The following RAB3GAP2 variants were observed in gnomAD, a reference collection of about 807,000 sequenced individuals.
RAB3GAP2 encodes the protein RAB3 GTPase activating non-catalytic protein subunit 2, also known as rab3 GTPase-activating protein non-catalytic subunit.
A neutral mutation model predicts 185.3 loss-of-function variants in RAB3GAP2; 87 were observed. The ratio of observed to expected loss-of-function variants is 0.47; its 90% CI spans 0.39 to 0.56. The LOEUF (loss-of-function observed/expected upper bound fraction) is 0.56, where lower values mean the gene tolerates loss of function less well. Among genes scored for constraint, RAB3GAP2 ranks in the 20% least tolerant of loss-of-function variants. RAB3GAP2 has a pLI of 0.00. For missense variants in RAB3GAP2, 1,492 were observed against 1,638.2 expected (o/e 0.91, Z 1.54); for synonymous variants, 554 against 576.1 (o/e 0.96, Z 0.55).
chr1:220,245,043 G>A (rs1228187274), intron 1 of RAB3GAP2, among the ~76,000 whole-genome samples: 2 of 152,076 alleles, frequency 1.3e-5, no homozygotes, highest in Non-Finnish European at 1.5e-5. Context: ...AACCCACAGA[G>A]TGGGAGAAAA....
At chr1:220,222,754 C>T (rs1376269144) in intron 2 of RAB3GAP2, among the ~76,000 whole-genome samples, 2 of 151,904 alleles carry the variant, frequency 1.3e-5, no homozygotes, top group Non-Finnish European at 2.9e-5. Context: ...ATTCATCTGC[C>T]CACTCAACCT....
At chr1:220,204,544 T>G (rs1318787263) in intron 8 of RAB3GAP2, among the ~76,000 whole-genome samples, 1 of 152,102 alleles carries the variant, frequency 6.6e-6, no homozygotes, top group African/African-American at 2.4e-5. Flanking sequence ...CTCTACTCAA[T>G]CCCAAAAGAA....
In RAB3GAP2 at chr1:220,214,750, T is replaced by C. The variant is rs574437944; in HGVS notation, c.181-771A>G. Among the ~76,000 whole-genome samples the C allele has an allele frequency of 8.9e-4, 135 of 151,868 alleles. 1 individual carries two copies. In the Middle Eastern group the frequency reaches 0.01, roughly 11 times the overall value. ...TTTTTCATTAGACGTTTATGTATTG[T>C]ATAGGTAAATCCCCATGGTTAAAAA... On this transcript the variant is annotated intron_variant, in intron 2 of 34. Coordinates refer to ENST00000358951, the MANE Select transcript of RAB3GAP2 (RefSeq NM_012414.4).
Position 220,190,046 on chromosome 1 carries a change from G to A in RAB3GAP2, c.1714+18C>T. The A allele has an allele frequency of 6.5e-7, 1 of 1,547,844 alleles. No individual in the cohort carries two copies. Among genetic ancestry groups the A allele is most frequent in the Non-Finnish European group, 8.9e-7 (1 of 1,119,930 alleles). On this transcript the variant is annotated intron_variant, in intron 16 of 34. Coordinates refer to ENST00000358951, the MANE Select transcript of RAB3GAP2 (RefSeq NM_012414.4). Reference sequence around the variant, plus strand: ...GATAGAACAATATGCTTTATTATTTGTATGAGAGAATACCTACCAAGATTG... The same window carrying A: ...GATAGAACAATATGCTTTATTATTTATATGAGAGAATACCTACCAAGATTG...
rs570894388 is a variant in RAB3GAP2 at position 220,190,399 on chromosome 1, C to T, written c.1609G>A (p.Val537Ile). The T allele has an allele frequency of 5.0e-6, 8 of 1,614,106 alleles. No homozygotes were observed. Among genetic ancestry groups the T allele is most frequent in the East Asian group, 4.5e-5 (2 of 44,868 alleles). Reference protein sequence around the residue: ...PVSGSVKTVNVPFHLALSDKK... With the variant: ...PVSGSVKTVNIPFHLALSDKK... ...TACCTCAGTGCTAAATGGAAGGGAA[C>T]GTTCACTGTTTTCACACTTCCAGAC... Residue 537 changes from valine to isoleucine, a missense_variant, in exon 15 of 35, where the codon GTT (valine) becomes ATT (isoleucine). By Grantham distance (29) the Val-to-Ile change is conservative. Around this residue, in one of 5 missense-constraint regions of RAB3GAP2, gnomAD observed 681 missense variants for 689.1 expected, o/e 0.99. Transcript: ENST00000358951.
Position 220,167,552 on chromosome 1 carries a change from C to T in RAB3GAP2, c.2930G>A (p.Arg977Lys). 1 of 1,614,192 alleles carries T rather than the reference C, an allele frequency of 6.2e-7. No homozygotes were observed. Among genetic ancestry groups the T allele is most frequent in the Non-Finnish European group, 8.5e-7 (1 of 1,180,026 alleles). Residue 977 changes from arginine (R) to lysine (K), a missense_variant, in exon 25 of 35, where the codon AGA becomes AAA. This residue lies in a region of RAB3GAP2 where 681 missense variants were observed against 689.1 expected (regional missense o/e 0.99). Transcript: ENST00000358951. ...CATCTCTGATACCTCAAGGAAACTT[C>T]TGTTAACACCTTCTTTGGGTTCATC... ...NPDEPKEGVN[R>K]SFLEVSEMEM...
chr1:220,253,642 C>G (rs936888306), intron 1 of RAB3GAP2: 72 of 1,590,166 alleles, frequency 4.5e-5, no homozygotes, highest in Non-Finnish European at 5.8e-5. Flanking sequence ...TGGGCCTCTT[C>G]TTTATGAAGC....
At chr1:220,250,354 G>A (rs553347036) in intron 1 of RAB3GAP2, among the ~76,000 whole-genome samples, 6 of 152,180 alleles carry the variant, frequency 3.9e-5, no homozygotes, top group African/African-American at 1.4e-4. Context: ...CTTTGTTTTG[G>A]TCAATTTCTC....
intron 2 of RAB3GAP2, among the ~76,000 whole-genome samples, chr1:220,225,530 C>A (rs781064540): frequency 1.3e-5 from 2 of 152,096 alleles, no homozygotes; most frequent in Admixed American, 1.3e-4. Context: ...AGATGCACCC[C>A]CCTCAAGCTG....
At chr1:220,170,736 T>G (rs970698776) in intron 24 of RAB3GAP2, among the ~76,000 whole-genome samples, 156 bp downstream of exon 24, 3 of 152,244 alleles carry the variant, frequency 2.0e-5, no homozygotes, top group African/African-American at 7.2e-5. Flanking sequence ...AATGAGACTT[T>G]AGAGAAAATT....
At chr1:220,189,515 A>AT (rs35162828) in intron 17 of RAB3GAP2, among the ~76,000 whole-genome samples, 188 bp downstream of exon 17, 405 of 145,360 alleles carry the variant, frequency 2.8e-3, no homozygotes, top group Middle Eastern at 7.1e-3. Flanking sequence ...ATGAATATTA[A>AT]TTTTTTTTTT....
At chr1:220,213,096 G>C (rs1659112778) in intron 3 of RAB3GAP2, 128 bp from the exon 4 acceptor site, 2 of 624,240 alleles carry the variant, frequency 3.2e-6, no homozygotes, top group Non-Finnish European at 5.5e-6. Context: ...AACTGACTTG[G>C]GTCTTTTTTA....
chr1:220,184,142 C>T lies in RAB3GAP2; in HGVS notation c.1892G>A (p.Gly631Glu). 2 of 1,610,848 alleles carry T rather than the reference C, an allele frequency of 1.2e-6. No homozygotes were observed. Among genetic ancestry groups the T allele is most frequent in the Non-Finnish European group, 8.5e-7 (1 of 1,177,442 alleles). ...KSQELESVDE[G>E]LLQFCANKLK... ...TTTATTGGCACAAAACTGTAGCAAT[C>T]CTTCATCAACAGACTCAAGTTCTAA... Residue 631 changes from glycine (G) to glutamate (E), a missense_variant, in exon 19 of 35, where the codon GGA (glycine) becomes GAA (glutamate). Gly to Glu is a moderately conservative substitution (Grantham distance 98). Coordinates refer to ENST00000358951, the MANE Select transcript of RAB3GAP2 (RefSeq NM_012414.4).
chr1:220,154,721 C>CTTTTTT (rs368964533), intron 31 of RAB3GAP2, among the ~76,000 whole-genome samples: 1 of 133,362 alleles, frequency 7.5e-6, no homozygotes, highest in Non-Finnish European at 1.6e-5. Context: ...ACCCTGAATC[C>CTTTTTT]TTTTTTTTTT....
chr1:220,182,361 G>A lies in RAB3GAP2; in HGVS notation c.2213-7C>T. On this transcript the variant is annotated splice_polypyrimidine_tract_variant and splice_region_variant and intron_variant, in intron 20 of 34. Transcript: ENST00000358951. ...TTCCAAAAAAAGAAACTACCTGGTA[G>A]AAGAAAAACAAAGCACATTAATCAA... 6.2e-7 allele frequency: 1 copy of A among 1,613,864 alleles called. No homozygotes were observed. The highest frequency in any genetic ancestry group is 8.5e-7 in the Non-Finnish European group (1 of 1,179,894).
rs114494786 is a variant in RAB3GAP2, at chr1:220,238,087, T to C, written c.116-5224A>G. 2.7e-3 allele frequency among the ~76,000 whole-genome samples: 404 copies of C among 152,230 alleles called. 1 individual carries two copies. Among genetic ancestry groups the C allele is most frequent in the African/African-American group, 9.5e-3 (396 of 41,544 alleles). On this transcript the variant is annotated intron_variant, in intron 1 of 34. Coordinates refer to ENST00000358951, the MANE Select transcript of RAB3GAP2 (RefSeq NM_012414.4). Reference sequence around the variant, plus strand: ...AGAAGGGGTCTCTCTGTCACCCAGATTGGAGTGCAGTGGTGCAATTATAGC... The same window carrying C: ...AGAAGGGGTCTCTCTGTCACCCAGACTGGAGTGCAGTGGTGCAATTATAGC...
intron 7 of RAB3GAP2, among the ~76,000 whole-genome samples, chr1:220,208,803 G>A (rs907753060): frequency 2.0e-5 from 3 of 151,742 alleles, no homozygotes; most frequent in African/African-American, 7.3e-5. Flanking sequence ...TGCAACCTCC[G>A]CCTCCTGGGT....
chr1:220,272,313 A>C lies in RAB3GAP2; in HGVS notation c.25T>G (p.Cys9Gly). ...GCGGCCTGGAGGTCCTGGAAGTAGC[A>C]GAACTGGACAATGGAGCAGGCCATG... The part of the protein sequence containing the change: MACSIVQF[C>G]YFQDLQAARD... Residue 9 changes from cysteine to glycine, a missense_variant, in exon 1 of 35, where the codon TGC becomes GGC. Around this residue, in one of 5 missense-constraint regions of RAB3GAP2, gnomAD observed 177 missense variants for 160.6 expected, o/e 1.10. Transcript: ENST00000358951. The C allele has an allele frequency of 6.2e-7, 1 of 1,612,342 alleles. No homozygotes were observed. The highest frequency in any genetic ancestry group is 8.5e-7 in the Non-Finnish European group (1 of 1,179,540).
chr1:220,157,100 C>A (rs181774386), intron 31 of RAB3GAP2, among the ~76,000 whole-genome samples, 170 bp downstream of exon 31: 45 of 152,030 alleles, frequency 3.0e-4, no homozygotes, highest in Admixed American at 3.0e-3. Context: ...GGGAGCAGTA[C>A]AGAAGGTAAA....
Sources: gnomAD v4.1 joint callset for allele counts (sites outside exome capture counted in the v4.1 genomes callset) on GRCh38, gnomAD v4.1.1 for gene constraint, gnomAD v4.1.1 regional missense constraint, MANE v1.5 for transcripts, NCBI Gene and HGNC (gene_info 2026-07-23, HGNC 2026-07-21) for gene names.